CREM: variants seen among roughly 807,000 people sequenced by gnomAD.
CREM encodes cAMP-responsive element modulator.
Under a neutral mutation model 37.3 loss-of-function variants are expected in CREM, and 13 were observed. That is an observed-to-expected ratio of 0.35 (90% CI 0.23 to 0.55). The LOEUF is 0.55. CREM is among the 20% of genes least tolerant of loss of function. The pLI, the probability that CREM is intolerant of heterozygous loss-of-function variation, is 0.88. For missense variants in CREM, 296 were observed against 362.3 expected (o/e 0.82, Z 1.49); for synonymous variants, 124 against 120.2 (o/e 1.03, Z -0.21).
At chr10:35,164,844 G>T (rs753998071) in intron 3 of CREM, among the ~76,000 whole-genome samples, 4 of 152,134 alleles carry the variant, frequency 2.6e-5, no homozygotes, top group Non-Finnish European at 5.9e-5. Context: ...GAGCTCAGGA[G>T]TTCGAGACGA....
chr10:35,127,222 G>A (rs1264834587), intron 1 of CREM, 29 bp downstream of exon 1: 2 of 153,316 alleles, frequency 1.3e-5, no homozygotes, highest in African/African-American at 4.8e-5. Context: ...CCGGCCCCGA[G>A]ACCCAGCAGC....
chr10:35,190,870 G>A (rs1209310247), intron 6 of CREM, among the ~76,000 whole-genome samples: 2 of 151,844 alleles, frequency 1.3e-5, no homozygotes, highest in African/African-American at 2.4e-5. Flanking sequence ...CACCATGTTC[G>A]CCAGGATGGT....
At chr10:35,147,197 C>T (rs1402494765) in intron 2 of CREM, among the ~76,000 whole-genome samples, 2 of 151,440 alleles carry the variant, frequency 1.3e-5, no homozygotes, top group Non-Finnish European at 1.5e-5. Context: ...ACTACAGGCG[C>T]CTACCACGGT....
At chr10:35,205,724 T>A (rs1454550473) in intron 6 of CREM, among the ~76,000 whole-genome samples, 1 of 152,086 alleles carries the variant, frequency 6.6e-6, no homozygotes, top group Non-Finnish European at 1.5e-5. Flanking sequence ...TTTGCGAGGT[T>A]GAGGCAGGCA....
intron 3 of CREM, among the ~76,000 whole-genome samples, chr10:35,166,209 T>G (rs1404055244): frequency 6.6e-6 from 1 of 152,092 alleles, no homozygotes; most frequent in African/African-American, 2.4e-5. Flanking sequence ...ATTCTTAAGG[T>G]AAAATTTAAA....
At chr10:35,174,255 A>G (rs1478283107) in intron 3 of CREM, among the ~76,000 whole-genome samples, 2 of 152,118 alleles carry the variant, frequency 1.3e-5, no homozygotes, top group Non-Finnish European at 2.9e-5. Flanking sequence ...TTGGGCCCAT[A>G]CTGATCTTTC....
chr10:35,166,070 CT>C (rs2093536586), intron 3 of CREM, among the ~76,000 whole-genome samples: 1 of 152,028 alleles, frequency 6.6e-6, no homozygotes, highest in African/African-American at 2.4e-5. Flanking sequence ...TGGATTTCAG[CT>C]TATGCGCTAT....
At chr10:35,207,607 C>G (rs1238295374) in intron 7 of CREM, among the ~76,000 whole-genome samples, 1 of 152,060 alleles carries the variant, frequency 6.6e-6, no homozygotes, top group Non-Finnish European at 1.5e-5. Flanking sequence ...AACCCTGTCT[C>G]TACTAAAAAT....
In CREM at chr10:35,132,437, TAA is replaced by T. The variant is rs369483516; in HGVS notation, c.-55+5246_-55+5247del. The stretch of plus-strand genomic sequence containing the variant: ...ATAGCTAGTCCTTTAGTGATTTTAG[TAA>T]AGAGTTAAGATTACTTAAATAATAA... On this transcript the variant is annotated intron_variant, in intron 1 of 7. Coordinates refer to ENST00000685392, the MANE Select transcript of CREM (RefSeq NM_183011.2). Among the ~76,000 whole-genome samples the T allele has an allele frequency of 1.3e-3, 192 of 152,278 alleles. 2 individuals are homozygous for T. In the South Asian group the frequency reaches 0.013, roughly 10 times the overall value.
intron 3 of CREM, among the ~76,000 whole-genome samples, chr10:35,169,096 C>T (rs758073281): frequency 1.3e-5 from 2 of 152,092 alleles, no homozygotes; most frequent in Non-Finnish European, 2.9e-5. Context: ...TTTTGGGTTC[C>T]ATATGAACTT....
intron 3 of CREM, among the ~76,000 whole-genome samples, chr10:35,157,253 A>AAAGGCAGT (rs2092970914): frequency 6.7e-6 from 1 of 148,480 alleles, no homozygotes; most frequent in South Asian, 2.2e-4. Flanking sequence ...TCAGTGCAAC[A>AAAGGCAGT]AAGGCAGTAT....
At chr10:35,140,547 G>A (rs1284980856) in intron 2 of CREM, among the ~76,000 whole-genome samples, 6 of 152,098 alleles carry the variant, frequency 3.9e-5, no homozygotes, top group African/African-American at 1.2e-4. Flanking sequence ...AGCATATACT[G>A]TACTAGGCAC....
rs572811594 is a variant in CREM, at chr10:35,145,029, C to T, written c.45-3339C>T. On this transcript the variant is annotated intron_variant, in intron 2 of 7. Coordinates refer to ENST00000685392, the MANE Select transcript of CREM (RefSeq NM_183011.2). ...AAAAAAAATTAGCCGGGTGTGGTGGCGCGTGCCTGTAATCCCAGATACTTG... is the reference window on the plus strand; with the variant it reads ...AAAAAAAATTAGCCGGGTGTGGTGGTGCGTGCCTGTAATCCCAGATACTTG... Among the ~76,000 whole-genome samples the T allele has an allele frequency of 2.4e-4, 36 of 151,782 alleles. No individual in the cohort carries two copies. In the South Asian group the frequency reaches 6.7e-3, roughly 28 times the overall value.
intron 6 of CREM, among the ~76,000 whole-genome samples, chr10:35,191,915 C>T (rs956000915): frequency 5.5e-5 from 8 of 146,784 alleles, no homozygotes; most frequent in African/African-American, 2.0e-4. Flanking sequence ...CTCTTCCTAT[C>T]TTCAGTGATT....
chr10:35,205,319 T>C (rs2095494622), intron 6 of CREM, among the ~76,000 whole-genome samples: 1 of 152,256 alleles, frequency 6.6e-6, no homozygotes, highest in Non-Finnish European at 1.5e-5. Flanking sequence ...GCTTAGACAA[T>C]ACTTTTAAAT....
intron 3 of CREM, among the ~76,000 whole-genome samples, chr10:35,166,334 G>C (rs141463501): frequency 6.6e-6 from 1 of 151,992 alleles, no homozygotes. Context: ...AGGCCAAGGC[G>C]GGTAGATTAC....
At chr10:35,207,850 C>T (rs1025514048) in intron 7 of CREM, among the ~76,000 whole-genome samples, 1 of 152,122 alleles carries the variant, frequency 6.6e-6, no homozygotes, top group African/African-American at 2.4e-5. Flanking sequence ...GGTTTGTGCT[C>T]TGTGTGTGTT....
intron 1 of CREM, among the ~76,000 whole-genome samples, chr10:35,129,250 A>G (rs1479966764): frequency 6.6e-6 from 1 of 152,226 alleles, no homozygotes; most frequent in Non-Finnish European, 1.5e-5. Context: ...GCGTAAACAT[A>G]GGACATTTTT....
intron 3 of CREM, among the ~76,000 whole-genome samples, chr10:35,161,211 A>G (rs543288533): frequency 9.9e-4 from 150 of 151,946 alleles, no homozygotes; most frequent in African/African-American, 3.4e-3. Context: ...ATCTCGGCTC[A>G]CTGCAACCTC....
Sources: allele counts gnomAD v4.1 joint callset (sites outside exome capture counted in the v4.1 genomes callset), GRCh38; gene constraint gnomAD v4.1.1; transcripts MANE v1.5; gene names NCBI Gene and HGNC (gene_info 2026-07-23, HGNC 2026-07-21).